The following CEACAM20 variants were observed in gnomAD, a reference collection of about 807,000 sequenced individuals.
CEACAM20 encodes cell adhesion molecule CEACAM20.
Under a neutral mutation model 61.2 loss-of-function variants are expected in CEACAM20, and 50 were observed. That is an observed-to-expected ratio of 0.82 (90% confidence interval 0.65 to 1.03). The LOEUF (loss-of-function observed/expected upper bound fraction) is 1.03, where lower values mean the gene tolerates loss of function less well. Among genes scored for constraint, CEACAM20 ranks in the 50% least tolerant of loss-of-function variants. The probability of loss-of-function intolerance (pLI) is 0.00; values close to 1 mark genes in which losing one functional copy is unlikely to be tolerated. For missense variants in CEACAM20, 683 were observed against 736.4 expected (o/e 0.93, Z 0.84); for synonymous variants, 282 against 287.7 (o/e 0.98, Z 0.20).
rs565647785 is a variant in CEACAM20 at position 44,529,635 on chromosome 19, C to T, written c.-126G>A. On this transcript the variant is annotated 5_prime_UTR_variant, in exon 1 of 12. Transcript: ENST00000614924. ...CTCTCCTCTCCCACCCTGCTACAAACTCACACACACACTGCAGTAACTGCA... is the reference window on the plus strand; with the variant it reads ...CTCTCCTCTCCCACCCTGCTACAAATTCACACACACACTGCAGTAACTGCA... 1.4e-4 allele frequency: 103 copies of T among 719,950 alleles called. No homozygotes were observed. The African/African-American group carries it at 1.7e-3, about 12-fold the overall frequency. The allele number at this position is 719,950 out of a possible 1,614,324, so 44.6% of individuals were successfully genotyped here. A position where few individuals can be genotyped will look rare whatever the true frequency, so the allele number is the denominator to read the frequency against.
chr19:44,512,249 G>A (rs1002654332), intron 8 of CEACAM20, among the ~76,000 whole-genome samples, 171 bp from the exon 9 acceptor site: 24 of 152,164 alleles, frequency 1.6e-4, no homozygotes, highest in African/African-American at 5.6e-4. Context: ...CAAGGTCTGG[G>A]TTAGGTAAGG....
At chr19:44,510,613 AGG>A (rs1970964356) in intron 11 of CEACAM20, among the ~76,000 whole-genome samples, 1 of 84,602 alleles carries the variant, frequency 1.2e-5, no homozygotes, top group Non-Finnish European at 2.3e-5. Flanking sequence ...AGAAAGAAAA[AGG>A]AAGGAAGGAA....
chr19:44,524,973 A>G (rs1250437711), intron 2 of CEACAM20, 128 bp downstream of exon 2: 8 of 1,179,920 alleles, frequency 6.8e-6, no homozygotes, highest in Non-Finnish European at 9.6e-6. Context: ...AGCTGACTGA[A>G]CCAGTTGTTG....
chr19:44,513,383 A>G (rs1339707833), intron 6 of CEACAM20, 94 bp from the exon 7 acceptor site: 1 of 736,840 alleles, frequency 1.4e-6, no homozygotes, highest in African/African-American at 1.9e-5. Flanking sequence ...CTCTACTGAC[A>G]TTTTGTGAGC....
intron 8 of CEACAM20, 85 bp downstream of exon 8, chr19:44,512,783 G>C: frequency 9.3e-7 from 1 of 1,075,916 alleles, no homozygotes; most frequent in Non-Finnish European, 1.4e-6. Context: ...CAGTGACCTG[G>C]TGGCAAAGCT....
At chr19:44,507,984 C>T (rs1428247676) in intron 11 of CEACAM20, among the ~76,000 whole-genome samples, 3 of 152,214 alleles carry the variant, frequency 2.0e-5, no homozygotes, top group Non-Finnish European at 4.4e-5. Context: ...TTTACCTATC[C>T]TCCATGGTAA....
At chr19:44,519,511 C>A (rs1971289281) in intron 5 of CEACAM20, among the ~76,000 whole-genome samples, 1 of 152,170 alleles carries the variant, frequency 6.6e-6, no homozygotes, top group African/African-American at 2.4e-5. Flanking sequence ...CTTTCTCTCC[C>A]TGCAGAAACC....
intron 6 of CEACAM20, among the ~76,000 whole-genome samples, chr19:44,515,166 A>T (rs1250155642): frequency 6.6e-6 from 1 of 152,054 alleles, no homozygotes; most frequent in Non-Finnish European, 1.5e-5. Context: ...GATTAATGAG[A>T]TCTTGTATAA....
rs1292386324 is a variant in CEACAM20, at chr19:44,507,484, A to G, written c.1738-1270T>C. 3.9e-5 allele frequency among the ~76,000 whole-genome samples: 6 copies of G among 152,354 alleles called. No homozygotes were observed. In the East Asian group the frequency reaches 1.2e-3, roughly 29 times the overall value. ...CTGAAGTTATAGAGAAGCAATGACC[A>G]GGACATTTACATAGAAATTCAATCT... On this transcript the variant is annotated intron_variant, in intron 11 of 11. Coordinates refer to ENST00000614924, the MANE Select transcript of CEACAM20 (RefSeq NM_001102597.3).
In CEACAM20 at chr19:44,522,807, G is replaced by A. The variant is rs1473470279; in HGVS notation, c.578C>T (p.Ser193Phe). 2 of 1,613,584 alleles carry A rather than the reference G, an allele frequency of 1.2e-6. No homozygotes were observed. Among genetic ancestry groups the A allele is most frequent in the African/African-American group, 1.3e-5 (1 of 75,002 alleles). The change falls in exon 4 of 12, where the codon TCT becomes TTT. Residue 193 changes from serine (S) to phenylalanine (F), a missense_variant. Ser to Phe is a radical substitution (Grantham distance 155). Coordinates refer to ENST00000614924, the MANE Select transcript of CEACAM20 (RefSeq NM_001102597.3). ...SSMTFLAETK[S>F]HPPCAYTWFL... is the part of the protein sequence containing the mutation. The stretch of plus-strand genomic sequence containing the variant: ...CCAAGTATAGGCACAGGGTGGGTGA[G>A]ACTTTGTTTCCGCTAAGAAGGTCAT...
At chr19:44,510,010 A>C (rs978506827) in intron 11 of CEACAM20, among the ~76,000 whole-genome samples, 1 of 152,186 alleles carries the variant, frequency 6.6e-6, no homozygotes, top group African/African-American at 2.4e-5. Context: ...TGGAAACGAA[A>C]TAAAGTCGTG....
chr19:44,510,610 A>AAGAAAG (rs1446342735), intron 11 of CEACAM20, among the ~76,000 whole-genome samples: 805 of 58,686 alleles, frequency 0.014, 18 homozygotes, highest in Middle Eastern at 0.038. Context: ...GAAAGAAAGA[A>AAGAAAG]AAAGGAAGGA....
Position 44,512,022 on chromosome 19 carries a change from C to T in CEACAM20, c.1570G>A (p.Glu524Lys), listed in dbSNP as rs780618317. The change falls in exon 9 of 12, where the codon GAA becomes AAA. Residue 524 changes from glutamate to lysine, a missense_variant. Physicochemically the swap from Glu to Lys is moderately conservative, Grantham distance 56 (BLOSUM62 1). Coordinates refer to ENST00000614924, the MANE Select transcript of CEACAM20 (RefSeq NM_001102597.3). The part of the protein sequence containing the change: ...ISQLQGRIRV[E>K]LMQPPDLPEE... The stretch of plus-strand genomic sequence containing the variant: ...CCCTCTGCAGCATCACTCACCAGTT[C>T]GACTCTGATCCGTCCCTGAAGCTGG... 10 of 1,608,192 alleles carry T rather than the reference C, an allele frequency of 6.2e-6. No homozygotes were observed. The highest frequency in any genetic ancestry group is 2.7e-5 in the African/African-American group (2 of 74,870).
rs145790346 is a variant in CEACAM20, at chr19:44,512,465, C to T, written c.1514-387G>A. ...ATCCCAGACCCAGAGATGGCAAATA[C>T]GTTTCATTTTGTCTTTGGTTAACTC... On this transcript the variant is annotated intron_variant, in intron 8 of 11. Transcript: ENST00000614924. Among the ~76,000 whole-genome samples, 1,170 of 152,236 alleles carry T rather than the reference C, an allele frequency of 7.7e-3. 5 individuals carry two copies. Among genetic ancestry groups the T allele is most frequent in the Middle Eastern group, 0.027 (8 of 294 alleles).
intron 2 of CEACAM20, 34 bp downstream of exon 2, chr19:44,525,067 G>A: frequency 6.2e-7 from 1 of 1,603,930 alleles, no homozygotes; most frequent in East Asian, 2.3e-5. Flanking sequence ...TGGAGGCAGA[G>A]ATCAGAATGA....
At chr19:44,511,961 G>T (rs1971012987) in intron 9 of CEACAM20, 56 bp downstream of exon 9, 5 of 1,501,244 alleles carry the variant, frequency 3.3e-6, no homozygotes, top group Non-Finnish European at 4.6e-6. Flanking sequence ...TAAGAAGTAA[G>T]ACTATAGCAG....
chr19:44,517,789 C>T (rs1971213749), intron 5 of CEACAM20, among the ~76,000 whole-genome samples: 1 of 151,836 alleles, frequency 6.6e-6, no homozygotes, highest in South Asian at 2.1e-4. Flanking sequence ...TGTTGCTAGG[C>T]CAAGCGCAGT....
intron 5 of CEACAM20, among the ~76,000 whole-genome samples, chr19:44,520,231 CT>C (rs1043212504): frequency 9.2e-5 from 14 of 152,330 alleles, no homozygotes; most frequent in African/African-American, 3.4e-4. Flanking sequence ...CAGTGAGACC[CT>C]GTGAAAGCCT....
chr19:44,521,587 T>C (rs1971366660), intron 4 of CEACAM20, among the ~76,000 whole-genome samples: 1 of 152,046 alleles, frequency 6.6e-6, no homozygotes, highest in African/African-American at 2.4e-5. Context: ...GCTGTGTGTA[T>C]ATGTGTATGT....
Sources: gnomAD v4.1 joint callset for allele counts (sites outside exome capture counted in the v4.1 genomes callset) on GRCh38, gnomAD v4.1.1 for gene constraint, MANE v1.5 for transcripts, NCBI Gene and HGNC (gene_info 2026-07-23, HGNC 2026-07-21) for gene names.